The following GATA4 variants were observed in gnomAD, a reference collection of about 807,000 sequenced individuals.
The protein encoded by GATA4 is GATA binding protein 4.
Under a neutral mutation model 37.9 loss-of-function variants are expected in GATA4, and 7 were observed. That is an observed-to-expected ratio of 0.18 (90% CI 0.11 to 0.35). GATA4 has a LOEUF of 0.35. Among genes scored for constraint, GATA4 ranks in the 10% least tolerant of loss-of-function variants. The pLI is 1.00. For synonymous variants in GATA4, 372 were observed against 292.6 expected (o/e 1.27, Z -2.77); for missense variants, 647 against 653.0 (o/e 0.99, Z 0.10).
intron 1 of GATA4, among the ~76,000 whole-genome samples, chr8:11,687,592 C>A (rs1345432589): frequency 3.9e-5 from 6 of 152,120 alleles, no homozygotes; most frequent in Non-Finnish European, 8.8e-5. Flanking sequence ...TAGACCATTT[C>A]CCCCTTTTTA....
At position 11,749,186 on chromosome 8, in the gene GATA4, A is replaced by G. The variant is rs1294325276; in HGVS notation, c.786+101A>G. The G allele has an allele frequency of 3.4e-6, 4 of 1,190,420 alleles. No individual in the cohort carries two copies. The highest frequency in any genetic ancestry group is 4.8e-6 in the Non-Finnish European group (4 of 826,018). 73.7% of individuals were successfully genotyped at this position (1,190,420 alleles called of 1,614,324 possible). On this transcript the variant is annotated intron_variant, in intron 3 of 6. Coordinates refer to ENST00000532059, the MANE Select transcript of GATA4 (RefSeq NM_001308093.3). The surrounding 1 kb of genome is among the most constrained non-coding windows in gnomAD (Gnocchi z 4.6). ...TGAATTTTGGAACTTGAGGGTGTGC[A>G]TCGGGGATTACGTGGGTGAGAGCCC...
chr8:11,754,912 C>T (rs1441212284), intron 4 of GATA4, 134 bp from the exon 5 acceptor site: 5 of 717,254 alleles, frequency 7.0e-6, no homozygotes, highest in South Asian at 4.6e-5. Flanking sequence ...GGGGCCTGTG[C>T]AGCCCGTCTG....
At chr8:11,748,832 G>A (rs570001565) in intron 2 of GATA4, 84 bp from the exon 3 acceptor site, 211 of 1,483,568 alleles carry the variant, frequency 1.4e-4, no homozygotes, top group East Asian at 5.4e-4. Context: ...GTTTCTGTGC[G>A]CTCTAGATTC....
At chr8:11,758,261 A>T (rs1371646972) in intron 6 of GATA4, 32 bp from the exon 7 acceptor site, 2 of 1,613,206 alleles carry the variant, frequency 1.2e-6, no homozygotes, top group African/African-American at 2.7e-5. Flanking sequence ...GAGCGTCTCC[A>T]TGGGCCTCAT....
chr8:11,724,651 C>A (rs1294110701), intron 2 of GATA4, among the ~76,000 whole-genome samples: 1 of 152,226 alleles, frequency 6.6e-6, no homozygotes, highest in Non-Finnish European at 1.5e-5. Flanking sequence ...CTCCTCATCA[C>A]CTTCGTGAGC....
chr8:11,715,611 C>T (rs371082492), intron 2 of GATA4, among the ~76,000 whole-genome samples: 5 of 151,892 alleles, frequency 3.3e-5, no homozygotes, highest in South Asian at 4.1e-4. Flanking sequence ...CATGGTGGCA[C>T]GTGCCTGTAA....
chr8:11,720,397 C>G (rs1800619745), intron 2 of GATA4, among the ~76,000 whole-genome samples: 1 of 152,020 alleles, frequency 6.6e-6, no homozygotes, highest in Non-Finnish European at 1.5e-5. Context: ...GGCTGCCTGC[C>G]TTGTTTTAAG....
intron 4 of GATA4, among the ~76,000 whole-genome samples, chr8:11,753,261 G>A (rs1231150175): frequency 6.6e-6 from 1 of 152,172 alleles, no homozygotes; most frequent in African/African-American, 2.4e-5. Flanking sequence ...GACACCACAT[G>A]TCAAATCCAT....
intron 2 of GATA4, among the ~76,000 whole-genome samples, chr8:11,744,576 A>T (rs998590513): frequency 6.6e-6 from 1 of 152,198 alleles, no homozygotes; most frequent in Non-Finnish European, 1.5e-5. Context: ...TGTCAGTGCT[A>T]GTTTGGGACT....
intron 1 of GATA4, among the ~76,000 whole-genome samples, chr8:11,684,156 C>G (rs780366591): frequency 3.3e-5 from 5 of 152,186 alleles, no homozygotes; most frequent in Non-Finnish European, 5.9e-5. Flanking sequence ...AACTAAAGCC[C>G]CTGAAACCTG....
At chr8:11,740,605 A>G (rs1801684743) in intron 2 of GATA4, among the ~76,000 whole-genome samples, 1 of 152,248 alleles carries the variant, frequency 6.6e-6, no homozygotes, top group East Asian at 1.9e-4. Flanking sequence ...TGAGGGTGAC[A>G]GCTGGCAAGA....
chr8:11,717,865 C>T (rs548619045), intron 2 of GATA4, among the ~76,000 whole-genome samples: 2 of 152,330 alleles, frequency 1.3e-5, no homozygotes, highest in East Asian at 1.9e-4. Context: ...AACTTCCTTT[C>T]TAGCCGTTGG....
At chr8:11,747,916 C>A (rs1041233107) in intron 2 of GATA4, among the ~76,000 whole-genome samples, 5 of 152,174 alleles carry the variant, frequency 3.3e-5, no homozygotes, top group African/African-American at 9.7e-5. Context: ...AATTATATAG[C>A]TTGGCAAAAA....
intron 1 of GATA4, among the ~76,000 whole-genome samples, chr8:11,685,308 T>G (rs1025983192): frequency 1.3e-5 from 2 of 152,220 alleles, no homozygotes; most frequent in African/African-American, 2.4e-5. Flanking sequence ...TGTTTCCAAT[T>G]CTTTCTGCCT....
At chr8:11,742,017 G>A (rs1451522359) in intron 2 of GATA4, among the ~76,000 whole-genome samples, 1 of 152,198 alleles carries the variant, frequency 6.6e-6, no homozygotes. Flanking sequence ...TAGCTCTGTG[G>A]CCCTGGGCAG....
intron 2 of GATA4, among the ~76,000 whole-genome samples, chr8:11,740,624 G>C (rs1801685696): frequency 6.6e-6 from 1 of 152,200 alleles, no homozygotes; most frequent in Non-Finnish European, 1.5e-5. Flanking sequence ...GACAGTCTTT[G>C]TAAAAAATGT....
intron 2 of GATA4, among the ~76,000 whole-genome samples, chr8:11,724,263 C>T (rs965656548): frequency 6.6e-6 from 1 of 152,086 alleles, no homozygotes; most frequent in East Asian, 1.9e-4. Flanking sequence ...TGAATAATGC[C>T]GCCATTTTTA....
chr8:11,712,550 A>G (rs1051157113), intron 2 of GATA4, among the ~76,000 whole-genome samples: 2 of 152,022 alleles, frequency 1.3e-5, no homozygotes, highest in African/African-American at 2.4e-5. Context: ...TTTTATAGGA[A>G]AAAAAAGAAA....
chr8:11,756,114 T>A (rs1802555460), intron 5 of GATA4, among the ~76,000 whole-genome samples: 1 of 152,126 alleles, frequency 6.6e-6, no homozygotes, highest in African/African-American at 2.4e-5. Flanking sequence ...GCTACCCAGT[T>A]AAAGATTTGA....
Sources: allele counts gnomAD v4.1 joint callset (sites outside exome capture counted in the v4.1 genomes callset), GRCh38; gene constraint gnomAD v4.1.1; non-coding constraint Gnocchi (gnomAD v3.1); transcripts MANE v1.5; gene names NCBI Gene and HGNC (gene_info 2026-07-23, HGNC 2026-07-21).